Variants in NUP214 observed in about 807,000 individuals in gnomAD.
NUP214 encodes the protein nuclear pore complex protein Nup214.
In NUP214, 79 loss-of-function variants were observed where a neutral mutation model predicts 196.2. That is an observed-to-expected ratio of 0.40 (90% CI 0.34 to 0.49). NUP214 has a LOEUF of 0.49. Among genes scored for constraint, NUP214 ranks in the 20% least tolerant of loss-of-function variants. The pLI is 0.58. For synonymous variants in NUP214, 1,020 were observed against 990.5 expected (o/e 1.03, Z -0.56); for missense variants, 2,468 against 2,539.0 (o/e 0.97, Z 0.60).
intron 30 of NUP214, among the ~76,000 whole-genome samples, chr9:131,205,187 T>C (rs1368558276): frequency 6.6e-6 from 1 of 152,218 alleles, no homozygotes; most frequent in African/African-American, 2.4e-5. Flanking sequence ...ACTAAAATTA[T>C]GGCCCTCTTA....
At chr9:131,185,265 G>A (rs1483014160) in intron 24 of NUP214, among the ~76,000 whole-genome samples, 1 of 152,170 alleles carries the variant, frequency 6.6e-6, no homozygotes, top group African/African-American at 2.4e-5. Context: ...TGTAGTGCTG[G>A]TAATGTGTGG....
At position 131,134,923 on chromosome 9, in the gene NUP214, T is replaced by G; in HGVS notation, c.857T>G (p.Ile286Arg). Residue 286 changes from isoleucine to arginine, a missense_variant, in exon 8 of 36, where the codon ATA becomes AGA. Transcript: ENST00000359428. ...LPKKEEKHPE[I>R]FVNFMEPCYG... is the part of the protein sequence containing the mutation. ...AAAAAAGAAGAAAAGCACCCAGAGA[T>G]ATTTGTGAACTTTATGGAGCCCTGT... The G allele has an allele frequency of 6.2e-7, 1 of 1,613,868 alleles. No homozygotes were observed. Among genetic ancestry groups the G allele is most frequent in the Non-Finnish European group, 8.5e-7 (1 of 1,179,798 alleles).
chr9:131,196,502 C>A (rs1450321707), intron 28 of NUP214, among the ~76,000 whole-genome samples: 1 of 152,156 alleles, frequency 6.6e-6, no homozygotes, highest in Non-Finnish European at 1.5e-5. Flanking sequence ...TTTGACCAGG[C>A]CTTATGGGTG....
At chr9:131,173,021 G>A (rs1291397931) in intron 21 of NUP214, among the ~76,000 whole-genome samples, 1 of 152,264 alleles carries the variant, frequency 6.6e-6, no homozygotes, top group Middle Eastern at 3.4e-3. Flanking sequence ...AGAAGGCCGG[G>A]ATTCAGTTCA....
chr9:131,129,211 T>G, intron 3 of NUP214, 68 bp from the exon 4 acceptor site: 4 of 1,299,646 alleles, frequency 3.1e-6, no homozygotes, highest in Admixed American at 1.8e-5. Context: ...TAATTTCCAT[T>G]GAATATTAAA....
At chr9:131,229,764 C>G in intron 33 of NUP214, 1 of 518,920 alleles carries the variant, frequency 1.9e-6, no homozygotes, top group Non-Finnish European at 3.8e-6. Context: ...GGGAGAAAGT[C>G]CAATGAGAGC....
Position 131,198,885 on chromosome 9 carries a change from G to A in NUP214, c.5391G>A (p.Leu1797=). 6.2e-7 allele frequency: 1 copy of A among 1,614,202 alleles called. No homozygotes were observed. The highest frequency in any genetic ancestry group is 8.5e-7 in the Non-Finnish European group (1 of 1,180,032). The change falls in exon 29 of 36, where the codon CTG becomes CTA. Residue 1797 remains leucine (L), a synonymous_variant. Transcript: ENST00000359428. ...CTTCTCCCAACACAGGAGGGGGGCTGTTTGGCCAAAGCAACGCTCCTGCTT... is the reference window on the plus strand; with the variant it reads ...CTTCTCCCAACACAGGAGGGGGGCTATTTGGCCAAAGCAACGCTCCTGCTT... ...GQSSPNTGGG[L]FGQSNAPAFG... is the part of the protein sequence containing the mutation.
intron 31 of NUP214, among the ~76,000 whole-genome samples, chr9:131,216,514 C>A (rs981890897): frequency 6.8e-6 from 1 of 147,562 alleles, no homozygotes; most frequent in African/African-American, 2.5e-5. Context: ...GCGTGAACCA[C>A]CACGCCCAGG....
chr9:131,157,458 CG>C (rs1206778072), intron 17 of NUP214, among the ~76,000 whole-genome samples: 3 of 109,180 alleles, frequency 2.7e-5, no homozygotes, highest in African/African-American at 1.1e-4. Context: ...CTGTGTCTGG[CG>C]TTTTTTTTTT....
intron 21 of NUP214, among the ~76,000 whole-genome samples, chr9:131,171,370 G>C (rs1316607076): frequency 2.0e-5 from 3 of 152,108 alleles, no homozygotes; most frequent in Non-Finnish European, 4.4e-5. Flanking sequence ...GTGATTATTT[G>C]AGTCATCTTT....
At chr9:131,219,901 A>G (rs1213022556) in intron 31 of NUP214, among the ~76,000 whole-genome samples, 2 of 152,198 alleles carry the variant, frequency 1.3e-5, no homozygotes, top group African/African-American at 2.4e-5. Context: ...TTCTTGTTCA[A>G]TGACTTTAGA....
rs750612697 is a variant in NUP214 at position 131,198,241 on chromosome 9, C to T, written c.4747C>T (p.Pro1583Ser). 3.9e-5 allele frequency: 63 copies of T among 1,614,218 alleles called. No homozygotes were observed. The highest frequency in any genetic ancestry group is 5.3e-5 in the Non-Finnish European group (63 of 1,180,032). ...GVPDARTEAVPPASSFSVPGQ... is the reference protein window; with the variant it reads ...GVPDARTEAVSPASSFSVPGQ... Reference sequence around the variant, plus strand: ...CCCTGATGCCAGGACGGAGGCAGTACCACCTGCTTCCTCCTTTTCTGTGCC... The same window carrying T: ...CCCTGATGCCAGGACGGAGGCAGTATCACCTGCTTCCTCCTTTTCTGTGCC... Residue 1583 changes from proline (P) to serine (S), a missense_variant, in exon 29 of 36, where the codon CCA becomes TCA. Transcript: ENST00000359428.
chr9:131,199,132 A>T (rs878989464), intron 29 of NUP214, 117 bp downstream of exon 29: 1 of 1,274,068 alleles, frequency 7.8e-7, no homozygotes, highest in Non-Finnish European at 1.1e-6. Context: ...AATAATCTGT[A>T]GGTTAAAGAA....
At chr9:131,155,049 T>C (rs1832394244) in intron 17 of NUP214, among the ~76,000 whole-genome samples, 1 of 152,244 alleles carries the variant, frequency 6.6e-6, no homozygotes, top group Non-Finnish European at 1.5e-5. Context: ...GTACTTTTAG[T>C]TCTTTAAGAA....
rs1184637308 is a variant in NUP214 at position 131,130,144 on chromosome 9, TTTTTTTG to T, written c.593-615_593-609del. ...AGAATGATTTCTGGTTTTGTTTTTT[TTTTTTTG>T]TTTTTTTTTTGAGACAGAGTCTTGC... On this transcript the variant is annotated intron_variant, in intron 4 of 35. Coordinates refer to ENST00000359428, the MANE Select transcript of NUP214 (RefSeq NM_005085.4). Among the ~76,000 whole-genome samples the T allele has an allele frequency of 1.3e-3, 134 of 106,802 alleles. 12 individuals are homozygous for T. Among genetic ancestry groups the T allele is most frequent in the African/African-American group, 4.6e-3 (130 of 28,532 alleles). 70.1% of individuals were successfully genotyped at this position (106,802 alleles called of 152,430 possible). A position where few individuals can be genotyped will look rare whatever the true frequency, so the allele number is the denominator to read the frequency against.
chr9:131,147,422 G>A, intron 13 of NUP214, 68 bp from the exon 14 acceptor site: 2 of 1,155,386 alleles, frequency 1.7e-6, no homozygotes, highest in Non-Finnish European at 2.5e-6. Context: ...TTGGAGAAAG[G>A]ACATTTGTGA....
intron 24 of NUP214, among the ~76,000 whole-genome samples, chr9:131,186,879 C>G (rs755608092): frequency 6.6e-6 from 1 of 152,098 alleles, no homozygotes; most frequent in African/African-American, 2.4e-5. Flanking sequence ...GCGGTAGCAG[C>G]GAATTGGATG....
intron 21 of NUP214, among the ~76,000 whole-genome samples, chr9:131,165,869 G>A (rs1832774642): frequency 6.6e-6 from 1 of 152,130 alleles, no homozygotes; most frequent in African/African-American, 2.4e-5. Flanking sequence ...GACAAATACT[G>A]TATGATTCCA....
rs772791611 is a variant in NUP214, at chr9:131,197,205, T to G, written c.3722-11T>G. 28 of 1,607,496 alleles carry G rather than the reference T, an allele frequency of 1.7e-5. No homozygotes were observed. In the South Asian group the frequency reaches 3.1e-4, roughly 18 times the overall value. On this transcript the variant is annotated splice_polypyrimidine_tract_variant and intron_variant, in intron 28 of 35. Coordinates refer to ENST00000359428, the MANE Select transcript of NUP214 (RefSeq NM_005085.4). The stretch of plus-strand genomic sequence containing the variant: ...AATCCAACCCATTTTCTGATTTCTT[T>G]TTCTTGCTAGGGGCAACACCCTCCA...
Sources: gnomAD v4.1 joint callset for allele counts (sites outside exome capture counted in the v4.1 genomes callset) on GRCh38, gnomAD v4.1.1 for gene constraint, MANE v1.5 for transcripts, NCBI Gene and HGNC (gene_info 2026-07-23, HGNC 2026-07-21) for gene names.